SLC7A6OS: variants seen among roughly 807,000 people sequenced by gnomAD.
The protein encoded by SLC7A6OS is probable RNA polymerase II nuclear localization protein SLC7A6OS.
Under a neutral mutation model 34.3 loss-of-function variants are expected in SLC7A6OS, and 22 were observed. The ratio of observed to expected loss-of-function variants is 0.64; its 90% CI spans 0.46 to 0.92. The LOEUF (loss-of-function observed/expected upper bound fraction) is 0.92, where lower values mean the gene tolerates loss of function less well. Among genes scored for constraint, SLC7A6OS ranks in the 40% least tolerant of loss-of-function variants. The probability of loss-of-function intolerance (pLI) is 0.00; values close to 1 mark genes in which losing one functional copy is unlikely to be tolerated. For missense variants in SLC7A6OS, 434 were observed against 407.7 expected (o/e 1.06, Z -0.56); for synonymous variants, 199 against 165.0 (o/e 1.21, Z -1.58).
intron 2 of SLC7A6OS, among the ~76,000 whole-genome samples, chr16:68,306,455 G>A (rs1358898478): frequency 6.6e-6 from 1 of 152,090 alleles, no homozygotes; most frequent in African/African-American, 2.4e-5. Context: ...CTGACCTCAT[G>A]ATCCACCCAC....
chr16:68,306,881 C>T (rs182734687), intron 2 of SLC7A6OS, among the ~76,000 whole-genome samples: 8 of 152,210 alleles, frequency 5.3e-5, no homozygotes, highest in Admixed American at 2.0e-4. Context: ...CTTGCTCTGT[C>T]GCCCAGGCTG....
At chr16:68,304,631 T>C (rs1004650854) in intron 2 of SLC7A6OS, among the ~76,000 whole-genome samples, 7 of 152,108 alleles carry the variant, frequency 4.6e-5, no homozygotes, top group African/African-American at 1.2e-4. Context: ...TACAGTTCCA[T>C]AGTGTTGTGG....
chr16:68,302,543 T>G (rs769247662), intron 3 of SLC7A6OS, 42 bp from the exon 4 acceptor site: 1 of 1,613,468 alleles, frequency 6.2e-7, no homozygotes, highest in South Asian at 1.1e-5. Flanking sequence ...TCAAAACCTC[T>G]AAGGTTATGC....
rs1486824379 is a variant in SLC7A6OS at position 68,300,713 on chromosome 16, A to G, written c.*562T>C. On this transcript the variant is annotated 3_prime_UTR_variant, in exon 5 of 5. Coordinates refer to ENST00000263997, the MANE Select transcript of SLC7A6OS (RefSeq NM_032178.3). ...AAAGGAAGTCAGTCAGTAATTTCAC[A>G]ACCGTTATCAGAGTTTGGAAGCAGA... The G allele has an allele frequency of 1.0e-6, 1 of 985,388 alleles. No homozygotes were observed. The highest frequency in any genetic ancestry group is 1.2e-6 in the Non-Finnish European group (1 of 829,964). The allele number at this position is 985,388 out of a possible 1,614,324, so 61.0% of individuals were successfully genotyped here. A position where few individuals can be genotyped will look rare whatever the true frequency, so the allele number is the denominator to read the frequency against.
intron 2 of SLC7A6OS, among the ~76,000 whole-genome samples, chr16:68,309,746 C>A (rs572532616): frequency 6.6e-6 from 1 of 152,272 alleles, no homozygotes; most frequent in East Asian, 1.9e-4. Flanking sequence ...TGCTCTATCT[C>A]TATTTTGCTC....
chr16:68,304,878 C>T (rs1248097135), intron 2 of SLC7A6OS, among the ~76,000 whole-genome samples: 3 of 152,062 alleles, frequency 2.0e-5, no homozygotes, highest in Non-Finnish European at 4.4e-5. Context: ...TGGCAAAACC[C>T]CCGTCTCTAC....
intron 2 of SLC7A6OS, among the ~76,000 whole-genome samples, chr16:68,307,952 A>G (rs1412798521): frequency 6.6e-6 from 1 of 152,144 alleles, no homozygotes; most frequent in Non-Finnish European, 1.5e-5. Flanking sequence ...CCCAGGCTGG[A>G]GTGCAGTGGT....
rs753389865 is a variant in SLC7A6OS, at chr16:68,301,353, C to T, written c.852G>A (p.Gln284=). 1.2e-6 allele frequency: 2 copies of T among 1,614,046 alleles called. No homozygotes were observed. Among genetic ancestry groups the T allele is most frequent in the Non-Finnish European group, 1.7e-6 (2 of 1,180,028 alleles). Reference sequence around the variant, plus strand: ...CCAGAGGGTACTTGCTCCACATCCGCTGTCTGCTGCTGCCTCTTTCCTCCT... The same window carrying T: ...CCAGAGGGTACTTGCTCCACATCCGTTGTCTGCTGCTGCCTCTTTCCTCCT... ...LSEEERGSSR[Q]RMWSKYPLDV... Residue 284 remains glutamine, a synonymous_variant, in exon 5 of 5, where the codon CAG becomes CAA. Transcript: ENST00000263997.
rs2043253565 is a variant in SLC7A6OS, at chr16:68,300,619, A to G, written c.*656T>C. 4.1e-6 allele frequency: 4 copies of G among 985,328 alleles called. No individual in the cohort carries two copies. Among genetic ancestry groups the G allele is most frequent in the Non-Finnish European group, 4.8e-6 (4 of 829,826 alleles). 61.0% of individuals were successfully genotyped at this position (985,328 alleles called of 1,614,324 possible). On this transcript the variant is annotated 3_prime_UTR_variant, in exon 5 of 5. Coordinates refer to ENST00000263997, the MANE Select transcript of SLC7A6OS (RefSeq NM_032178.3). Reference sequence around the variant, plus strand: ...GGTTTTCAAAGAATTACTTTCTTCCATGTTCAAAGCTAGATTTTACTAAAC... The same window carrying G: ...GGTTTTCAAAGAATTACTTTCTTCCGTGTTCAAAGCTAGATTTTACTAAAC...
rs907047404 is a variant in SLC7A6OS at position 68,310,586 on chromosome 16, C to A, written c.220G>T (p.Glu74Ter). 3 of 1,594,380 alleles carry A rather than the reference C, an allele frequency of 1.9e-6. No individual in the cohort carries two copies. In the Admixed American group the frequency reaches 5.2e-5, roughly 28 times the overall value. The part of the protein sequence containing the change: ...QEEPVQPLLR[E>*]VLRPSRDSQQ... ...CTGTCCCGTGACGGGCGCAGAACTTCCCGCAGGAGAGGCTGGACTGGTTCC... is the reference window on the plus strand; with the variant it reads ...CTGTCCCGTGACGGGCGCAGAACTTACCGCAGGAGAGGCTGGACTGGTTCC... The change falls in exon 2 of 5, where the codon GAA (glutamate) becomes TAA (stop). Residue 74 changes from glutamate to a stop codon, truncating the protein, a stop_gained. Transcript: ENST00000263997. LOFTEE classifies it high-confidence loss of function.
intron 2 of SLC7A6OS, among the ~76,000 whole-genome samples, chr16:68,308,067 A>G (rs1476660080): frequency 6.6e-6 from 1 of 151,758 alleles, no homozygotes; most frequent in East Asian, 2.0e-4. Flanking sequence ...ACGCCCGGCT[A>G]ATTTTTGTAT....
intron 1 of SLC7A6OS, 29 bp from the exon 2 acceptor site, chr16:68,310,642 C>A (rs1269552657): frequency 5.7e-6 from 9 of 1,582,798 alleles, no homozygotes; most frequent in Admixed American, 3.4e-5. Flanking sequence ...CGGAGGCCAG[C>A]GTAAGCAGGA....
At position 68,299,346 on chromosome 16, in the gene SLC7A6OS, A is replaced by C. The variant is rs2043228615; in HGVS notation, c.*1929T>G. The C allele has an allele frequency of 6.6e-6, 1 of 152,658 alleles. No individual in the cohort carries two copies. The highest frequency in any genetic ancestry group is 2.4e-5 in the African/African-American group (1 of 41,472). The allele number at this position is 152,658 out of a possible 1,614,324, so 9.5% of individuals were successfully genotyped here. On this transcript the variant is annotated 3_prime_UTR_variant, in exon 5 of 5. Transcript: ENST00000263997. Reference sequence around the variant, plus strand: ...GGCTTCTAGGGAAAGCAAGGACCTCACATGCCAGGTGCCCTAGTACTTGCT... The same window carrying C: ...GGCTTCTAGGGAAAGCAAGGACCTCCCATGCCAGGTGCCCTAGTACTTGCT...
rs2043341927 is a variant in SLC7A6OS, at chr16:68,308,426, A to G, written c.471+1909T>C. Among the ~76,000 whole-genome samples, 4 of 151,342 alleles carry G rather than the reference A, an allele frequency of 2.6e-5. No individual in the cohort carries two copies. In the South Asian group the frequency reaches 8.4e-4, roughly 32 times the overall value. On this transcript the variant is annotated intron_variant, in intron 2 of 4. Coordinates refer to ENST00000263997, the MANE Select transcript of SLC7A6OS (RefSeq NM_032178.3). ...GTGGATCACCTGAGGTCAGGAGTTCAAGACCAGCCTGGCCAAGGTGGCGAA... is the reference window on the plus strand; with the variant it reads ...GTGGATCACCTGAGGTCAGGAGTTCGAGACCAGCCTGGCCAAGGTGGCGAA...
intron 4 of SLC7A6OS, 149 bp downstream of exon 4, chr16:68,302,232 T>G: frequency 1.2e-6 from 1 of 838,956 alleles, no homozygotes. Context: ...ACACTGGTCT[T>G]TGGGTCTCCT....
In SLC7A6OS at chr16:68,307,996, C is replaced by T. The variant is rs943651689; in HGVS notation, c.471+2339G>A. 4.6e-5 allele frequency among the ~76,000 whole-genome samples: 7 copies of T among 152,224 alleles called. No individual in the cohort carries two copies. In the South Asian group the frequency reaches 8.3e-4, roughly 18 times the overall value. On this transcript the variant is annotated intron_variant, in intron 2 of 4. Coordinates refer to ENST00000263997, the MANE Select transcript of SLC7A6OS (RefSeq NM_032178.3). ...GGCTCACTGCAACCTCTGCCTCCCG[C>T]GTTCAGGCGATTCTCCTGCCTCAAC... is the stretch of plus-strand genomic sequence containing the variant.
chr16:68,304,376 A>G (rs1030560028), intron 2 of SLC7A6OS, 144 bp from the exon 3 acceptor site: 2 of 698,320 alleles, frequency 2.9e-6, no homozygotes, highest in Admixed American at 4.9e-5. Context: ...GCTGGAGTGC[A>G]GTGGCGTGGT....
intron 2 of SLC7A6OS, among the ~76,000 whole-genome samples, chr16:68,309,841 C>G (rs2151245954): frequency 6.6e-6 from 1 of 152,302 alleles, no homozygotes; most frequent in African/African-American, 2.4e-5. Context: ...CCTTACTGCT[C>G]TCCTCTAGCT....
At position 68,299,464 on chromosome 16, in the gene SLC7A6OS, T is replaced by G. The variant is rs1229798805; in HGVS notation, c.*1811A>C. Reference sequence around the variant, plus strand: ...CAGACTTCTCCCAGGATCCTCTCTTTGGGAGCGAAGCCAGAGGATCCCTAC... The same window carrying G: ...CAGACTTCTCCCAGGATCCTCTCTTGGGGAGCGAAGCCAGAGGATCCCTAC... On this transcript the variant is annotated 3_prime_UTR_variant, in exon 5 of 5. Transcript: ENST00000263997. 2 of 152,628 alleles carry G rather than the reference T, an allele frequency of 1.3e-5. No homozygotes were observed. Among genetic ancestry groups the G allele is most frequent in the Non-Finnish European group, 2.9e-5 (2 of 68,034 alleles). The allele number at this position is 152,628 out of a possible 1,614,324, so 9.5% of individuals were successfully genotyped here. A position where few individuals can be genotyped will look rare whatever the true frequency, so the allele number is the denominator to read the frequency against.
Sources: gnomAD v4.1 joint callset for allele counts (sites outside exome capture counted in the v4.1 genomes callset) on GRCh38, gnomAD v4.1.1 for gene constraint, MANE v1.5 for transcripts, NCBI Gene and HGNC (gene_info 2026-07-23, HGNC 2026-07-21) for gene names.